The following SPOCK3 variants were observed in gnomAD, a reference collection of about 807,000 sequenced individuals.
SPOCK3 encodes the protein testican-3.
A neutral mutation model predicts 56.6 loss-of-function variants in SPOCK3; 30 were observed. That is an observed-to-expected ratio of 0.53 (90% CI 0.40 to 0.72). The LOEUF (loss-of-function observed/expected upper bound fraction) is 0.72, where lower values mean the gene tolerates loss of function less well. SPOCK3 is among the 30% of genes least tolerant of loss of function. The pLI, the probability that SPOCK3 is intolerant of heterozygous loss-of-function variation, is 0.00. For synonymous variants in SPOCK3, 196 were observed against 183.3 expected (o/e 1.07, Z -0.56); for missense variants, 527 against 530.0 (o/e 0.99, Z 0.06).
chr4:167,044,835 G>A (rs1753571017), intron 3 of SPOCK3, among the ~76,000 whole-genome samples: 1 of 152,172 alleles, frequency 6.6e-6, no homozygotes, highest in Middle Eastern at 3.4e-3. Flanking sequence ...GTCACAGCAT[G>A]TGTCCTATAT....
intron 7 of SPOCK3, among the ~76,000 whole-genome samples, chr4:166,785,187 C>T (rs1425546353): frequency 1.3e-5 from 2 of 151,976 alleles, no homozygotes; most frequent in Admixed American, 1.3e-4. Context: ...AAGATTTTTA[C>T]CATCTTAGTT....
At chr4:166,908,307 CA>C (rs1560996829) in intron 5 of SPOCK3, among the ~76,000 whole-genome samples, 6 of 145,378 alleles carry the variant, frequency 4.1e-5, no homozygotes, top group Admixed American at 6.9e-5. Flanking sequence ...CACACACACA[CA>C]CACCCCTACC....
intron 7 of SPOCK3, among the ~76,000 whole-genome samples, chr4:166,762,935 A>C (rs1737441045): frequency 6.6e-6 from 1 of 152,104 alleles, no homozygotes. Context: ...TTAACATATC[A>C]GCAATTGAGG....
chr4:167,058,220 G>T (rs1194027263), intron 3 of SPOCK3, among the ~76,000 whole-genome samples: 2 of 152,166 alleles, frequency 1.3e-5, no homozygotes, highest in Non-Finnish European at 2.9e-5. Flanking sequence ...GTCCCTGTTT[G>T]CAGATGACAT....
chr4:167,199,721 T>C lies in SPOCK3; in HGVS notation c.189+34264A>G, dbSNP rs939639660. Reference sequence around the variant, plus strand: ...ATAATAATAATAATAATAATAATAATAATAATAATAATAATAACTTTAAGT... The same window carrying C: ...ATAATAATAATAATAATAATAATAACAATAATAATAATAATAACTTTAAGT... On this transcript the variant is annotated intron_variant, in intron 2 of 10. Transcript: ENST00000357545. Among the ~76,000 whole-genome samples the C allele has an allele frequency of 3.2e-3, 471 of 147,488 alleles. 3 individuals carry two copies. Among genetic ancestry groups the C allele is most frequent in the African/African-American group, 0.011 (453 of 40,710 alleles).
At chr4:166,778,722 G>A (rs1240151574) in intron 7 of SPOCK3, among the ~76,000 whole-genome samples, 1 of 141,380 alleles carries the variant, frequency 7.1e-6, no homozygotes, top group East Asian at 2.8e-4. Flanking sequence ...TTGAATTCTA[G>A]ACTTTTTTTT....
At chr4:166,848,340 G>T (rs1292964828) in intron 6 of SPOCK3, among the ~76,000 whole-genome samples, 1 of 152,164 alleles carries the variant, frequency 6.6e-6, no homozygotes, top group Non-Finnish European at 1.5e-5. Flanking sequence ...TAAAACATTT[G>T]CCTGCCGTTT....
chr4:167,182,313 A>G (rs1177625184), intron 2 of SPOCK3, among the ~76,000 whole-genome samples: 1 of 151,956 alleles, frequency 6.6e-6, no homozygotes, highest in Admixed American at 6.6e-5. Flanking sequence ...AGCCAGAACT[A>G]ACATGATCCC....
intron 7 of SPOCK3, among the ~76,000 whole-genome samples, chr4:166,768,474 G>A (rs1738453057): frequency 6.6e-6 from 1 of 152,088 alleles, no homozygotes; most frequent in Non-Finnish European, 1.5e-5. Context: ...ATGAAATTCT[G>A]GGTTGAAAAT....
intron 4 of SPOCK3, among the ~76,000 whole-genome samples, chr4:166,914,077 AC>A (rs781440269): frequency 2.9e-4 from 43 of 149,376 alleles, no homozygotes; most frequent in African/African-American, 7.1e-4. Flanking sequence ...AAAAAAAAAA[AC>A]CATTCTACTT....
chr4:166,866,885 G>T (rs1731905035), intron 6 of SPOCK3, among the ~76,000 whole-genome samples: 1 of 151,894 alleles, frequency 6.6e-6, no homozygotes, highest in African/African-American at 2.4e-5. Context: ...GTTATTTCTA[G>T]GTTGAAATAC....
rs139768725 is a variant in SPOCK3, at chr4:166,870,154, G to A, written c.589+18976C>T. The stretch of plus-strand genomic sequence containing the variant: ...AGGACTTCACCAGAGGGCAATGCTG[G>A]TCCAGTATCCCATTTCAGGGATGGG... On this transcript the variant is annotated intron_variant, in intron 6 of 10. Coordinates refer to ENST00000357545, the MANE Select transcript of SPOCK3 (RefSeq NM_001040159.2). Among the ~76,000 whole-genome samples the A allele has an allele frequency of 4.3e-3, 647 of 152,114 alleles. 7 individuals carry two copies. The highest frequency in any genetic ancestry group is 0.014 in the African/African-American group (593 of 41,508).
Position 167,205,307 on chromosome 4 carries a change from T to TTATATATTA in SPOCK3, c.189+28677_189+28678insTAATATATA, listed in dbSNP as rs1554053185. Among the ~76,000 whole-genome samples, 195 of 39,634 alleles carry TTATATATTA rather than the reference T, an allele frequency of 4.9e-3. 4 individuals are homozygous for TTATATATTA. Among genetic ancestry groups the TTATATATTA allele is most frequent in the African/African-American group, 0.016 (179 of 11,088 alleles). The allele number at this position is 39,634 out of a possible 152,430, so 26.0% of individuals were successfully genotyped here. A position where few individuals can be genotyped will look rare whatever the true frequency, so the allele number is the denominator to read the frequency against. On this transcript the variant is annotated intron_variant, in intron 2 of 10. Transcript: ENST00000357545. ...ATATATTTTATATCTATAATATATA[T>TTATATATTA]TATATATTTTATATATATAATATAT...
At chr4:166,755,717 G>C (rs1736979143) in intron 7 of SPOCK3, among the ~76,000 whole-genome samples, 2 of 151,944 alleles carry the variant, frequency 1.3e-5, no homozygotes, top group South Asian at 4.1e-4. Flanking sequence ...TCAACAACAG[G>C]GTTTGAAGAG....
intron 2 of SPOCK3, among the ~76,000 whole-genome samples, chr4:167,095,817 A>G (rs1173486149): frequency 2.0e-5 from 3 of 151,858 alleles, no homozygotes; most frequent in Non-Finnish European, 4.4e-5. Context: ...TTTAATAATT[A>G]ATGACCTTCT....
At chr4:167,197,869 A>G (rs1039611286) in intron 2 of SPOCK3, among the ~76,000 whole-genome samples, 2 of 152,168 alleles carry the variant, frequency 1.3e-5, no homozygotes, top group Non-Finnish European at 2.9e-5. Flanking sequence ...ACAGATCCAA[A>G]CTGTGTAAGG....
At chr4:166,782,039 T>C (rs1368295581) in intron 7 of SPOCK3, among the ~76,000 whole-genome samples, 1 of 152,200 alleles carries the variant, frequency 6.6e-6, no homozygotes, top group African/African-American at 2.4e-5. Flanking sequence ...CAACAAATAA[T>C]GACCAAATCA....
At chr4:166,907,391 T>G (rs1736742057) in intron 5 of SPOCK3, among the ~76,000 whole-genome samples, 1 of 152,088 alleles carries the variant, frequency 6.6e-6, no homozygotes, top group African/African-American at 2.4e-5. Flanking sequence ...CAGTCATTGA[T>G]CAAGTCAATG....
chr4:167,118,901 C>G (rs1312171335), intron 2 of SPOCK3, among the ~76,000 whole-genome samples: 2 of 152,092 alleles, frequency 1.3e-5, no homozygotes, highest in African/African-American at 4.8e-5. Context: ...TTTCATCCCC[C>G]CTTCTACTAT....
Sources: gnomAD v4.1 joint callset for allele counts (sites outside exome capture counted in the v4.1 genomes callset) on GRCh38, gnomAD v4.1.1 for gene constraint, MANE v1.5 for transcripts, NCBI Gene and HGNC (gene_info 2026-07-23, HGNC 2026-07-21) for gene names.